Variants in ANXA10 observed in about 807,000 individuals in gnomAD.
ANXA10 encodes the protein annexin 14.
Under a neutral mutation model 53.5 loss-of-function variants are expected in ANXA10, and 49 were observed. The ratio of observed to expected loss-of-function variants is 0.92; its 90% CI spans 0.73 to 1.16. The LOEUF is 1.16. Ranked by LOEUF, ANXA10 falls within the 50% of genes most tolerant of loss-of-function variation. The pLI is 0.00. For synonymous variants in ANXA10, 131 were observed against 128.9 expected (o/e 1.02, Z -0.11); for missense variants, 393 against 394.4 (o/e 1.00, Z 0.03).
At chr4:168,116,018 G>A (rs1730887364) in intron 1 of ANXA10, among the ~76,000 whole-genome samples, 1 of 152,116 alleles carries the variant, frequency 6.6e-6, no homozygotes, top group Non-Finnish European at 1.5e-5. Flanking sequence ...TGCCCTAGAT[G>A]CTTTGAAAAG....
At chr4:168,182,623 G>A (rs139597888) in intron 10 of ANXA10, among the ~76,000 whole-genome samples, 3,242 of 146,984 alleles carry the variant, frequency 0.022, 202 homozygotes, top group East Asian at 0.15. Flanking sequence ...GTGAGCCACC[G>A]CGCCCGGCCT....
At chr4:168,115,497 G>GCGCGCACA (rs1245136318) in intron 1 of ANXA10, among the ~76,000 whole-genome samples, 5 of 136,428 alleles carry the variant, frequency 3.7e-5, no homozygotes, top group African/African-American at 7.9e-5. Context: ...CAATACACAC[G>GCGCGCACA]CACACACACA....
chr4:168,180,153 T>A (rs532829894), intron 9 of ANXA10, among the ~76,000 whole-genome samples: 1 of 152,230 alleles, frequency 6.6e-6, no homozygotes, highest in South Asian at 2.1e-4. Flanking sequence ...AAGCTAGGCT[T>A]CCATGAAAAC....
chr4:168,149,723 T>C (rs574877781), intron 3 of ANXA10, among the ~76,000 whole-genome samples: 3 of 152,330 alleles, frequency 2.0e-5, no homozygotes, highest in African/African-American at 4.8e-5. Context: ...TCAGTTCATA[T>C]GAGTTAAATA....
chr4:168,123,602 A>T (rs981771071), intron 1 of ANXA10, among the ~76,000 whole-genome samples: 1 of 152,202 alleles, frequency 6.6e-6, no homozygotes, highest in African/African-American at 2.4e-5. Context: ...ACTTAGCAAG[A>T]TTCTCATTAC....
chr4:168,134,755 T>G (rs1731210168), intron 2 of ANXA10, among the ~76,000 whole-genome samples: 1 of 152,184 alleles, frequency 6.6e-6, no homozygotes. Context: ...TTTCTATCTT[T>G]GAAGCCAATT....
At chr4:168,170,621 GTATT>G (rs925427239) in intron 6 of ANXA10, among the ~76,000 whole-genome samples, 1 of 152,074 alleles carries the variant, frequency 6.6e-6, no homozygotes. Flanking sequence ...ATATGTATGA[GTATT>G]TAACCTTGGA....
At position 168,181,781 on chromosome 4, in the gene ANXA10, G is replaced by A. The variant is rs764136204; in HGVS notation, c.783+40G>A. 24 of 1,359,180 alleles carry A rather than the reference G, an allele frequency of 1.8e-5. No individual in the cohort carries two copies. In the African/African-American group the frequency reaches 2.8e-4, roughly 16 times the overall value. 84.2% of individuals were successfully genotyped at this position (1,359,180 alleles called of 1,614,324 possible). ...TATTTTTAAAATTTCTCCAGAAATT[G>A]TGTCTGTTTTCTCAAAGGATTAATT... On this transcript the variant is annotated intron_variant, in intron 10 of 11. Transcript: ENST00000359299.
intron 1 of ANXA10, among the ~76,000 whole-genome samples, chr4:168,120,604 T>C (rs1730969563): frequency 6.6e-6 from 1 of 152,048 alleles, no homozygotes; most frequent in Non-Finnish European, 1.5e-5. Flanking sequence ...GCAATGTTAA[T>C]AAAATACCTA....
At chr4:168,133,749 T>C (rs548691342) in intron 2 of ANXA10, among the ~76,000 whole-genome samples, 1 of 152,204 alleles carries the variant, frequency 6.6e-6, no homozygotes, top group African/African-American at 2.4e-5. Flanking sequence ...CTAGGAACAA[T>C]AGTTCAGTAT....
intron 6 of ANXA10, among the ~76,000 whole-genome samples, chr4:168,168,430 C>CT (rs1368403335): frequency 2.0e-5 from 3 of 151,704 alleles, no homozygotes; most frequent in East Asian, 3.9e-4. Context: ...TCTTCTTCTT[C>CT]TTTTTTTTAA....
chr4:168,155,026 T>C (rs1443194789), intron 3 of ANXA10, among the ~76,000 whole-genome samples: 1 of 152,000 alleles, frequency 6.6e-6, no homozygotes, highest in Non-Finnish European at 1.5e-5. Flanking sequence ...AATATTCAGA[T>C]TTCAAATCAA....
intron 1 of ANXA10, among the ~76,000 whole-genome samples, chr4:168,115,453 G>T: frequency 7.3e-6 from 1 of 137,618 alleles, no homozygotes; most frequent in Admixed American, 7.5e-5. Context: ...TTTCTTTTTG[G>T]GTGTCTTTCT....
At chr4:168,141,958 A>G (rs62336238) in intron 3 of ANXA10, among the ~76,000 whole-genome samples, 10,349 of 152,092 alleles carry the variant, frequency 0.068, 469 homozygotes, top group Non-Finnish European at 0.1. Flanking sequence ...TACGAATTCT[A>G]TCTAATGGCT....
At position 168,162,634 on chromosome 4, in the gene ANXA10, C is replaced by A; in HGVS notation, c.302C>A (p.Ala101Asp). Reference sequence around the variant, plus strand: ...TATGATGCTCATGAGCTCTGGCATGCCATGAAGGTAGTGATCTGATCCAAA... The same window carrying A: ...TATGATGCTCATGAGCTCTGGCATGACATGAAGGTAGTGATCTGATCCAAA... ...PLYDAHELWH[A>D]MKGVGTDENC... The change falls in exon 4 of 12, where the codon GCC (alanine) becomes GAC (aspartate). Residue 101 changes from alanine (A) to aspartate (D), a missense_variant. Coordinates refer to ENST00000359299, the MANE Select transcript of ANXA10 (RefSeq NM_007193.5). The A allele has an allele frequency of 1.2e-6, 2 of 1,613,462 alleles. No homozygotes were observed. The highest frequency in any genetic ancestry group is 1.7e-6 in the Non-Finnish European group (2 of 1,179,544).
At chr4:168,173,011 A>G (rs1363673932) in intron 6 of ANXA10, among the ~76,000 whole-genome samples, 2 of 152,010 alleles carry the variant, frequency 1.3e-5, no homozygotes, top group East Asian at 3.9e-4. Context: ...GCTTGTCTTG[A>G]ACTCCTGACC....
At position 168,126,347 on chromosome 4, in the gene ANXA10, T is replaced by G. The variant is rs964454233; in HGVS notation, c.19-1737T>G. ...TTTGCCTCAGTTCAGGTTTACATTA[T>G]AGCTCAACTGGCATTCTAAATTACC... On this transcript the variant is annotated intron_variant, in intron 1 of 11. Transcript: ENST00000359299. Among the ~76,000 whole-genome samples the G allele has an allele frequency of 2.6e-5, 4 of 152,346 alleles. No homozygotes were observed. The Middle Eastern group carries it at 0.01, about 389-fold the overall frequency.
chr4:168,105,718 A>C (rs2149465201), intron 1 of ANXA10, among the ~76,000 whole-genome samples: 1 of 152,210 alleles, frequency 6.6e-6, no homozygotes, highest in Middle Eastern at 3.4e-3. Flanking sequence ...GGTTGAACTA[A>C]TTTACACTCC....
intron 3 of ANXA10, among the ~76,000 whole-genome samples, chr4:168,160,062 GTTATT>G (rs1731755508): frequency 6.6e-6 from 1 of 152,030 alleles, no homozygotes; most frequent in South Asian, 2.1e-4. Flanking sequence ...TCCCTCAAAT[GTTATT>G]TTAAGTTCAG....
Sources: allele counts gnomAD v4.1 joint callset (sites outside exome capture counted in the v4.1 genomes callset), GRCh38; gene constraint gnomAD v4.1.1; transcripts MANE v1.5; gene names NCBI Gene and HGNC (gene_info 2026-07-23, HGNC 2026-07-21).